EPC2: variants seen among roughly 807,000 people sequenced by gnomAD.
EPC2 encodes enhancer of polycomb 2.
Under a neutral mutation model 92.1 loss-of-function variants are expected in EPC2, and 14 were observed. That is an observed-to-expected ratio of 0.15 (90% confidence interval 0.10 to 0.24). The LOEUF (loss-of-function observed/expected upper bound fraction) is 0.24, where lower values mean the gene tolerates loss of function less well. Ranked by LOEUF, EPC2 falls within the 10% of genes least tolerant of loss-of-function variation. EPC2 has a pLI of 1.00. For missense variants in EPC2, 755 were observed against 971.5 expected (o/e 0.78, Z 2.96); for synonymous variants, 340 against 334.7 (o/e 1.02, Z -0.17).
Position 148,764,944 on chromosome 2 carries a change from C to T in EPC2, c.949-11C>T, listed in dbSNP as rs771348041. 2 of 1,455,898 alleles carry T rather than the reference C, an allele frequency of 1.4e-6. No individual in the cohort carries two copies. Among genetic ancestry groups the T allele is most frequent in the South Asian group, 3.2e-5 (2 of 62,202 alleles). The allele number at this position is 1,455,898 out of a possible 1,614,324, so 90.2% of individuals were successfully genotyped here. A position where few individuals can be genotyped will look rare whatever the true frequency, so the allele number is the denominator to read the frequency against. On this transcript the variant is annotated splice_polypyrimidine_tract_variant and intron_variant, in intron 6 of 13. Coordinates refer to ENST00000258484, the MANE Select transcript of EPC2 (RefSeq NM_015630.4). ...TTCTTCCTTTTGGGGGAAAAATCGT[C>T]ATGTAAACAGCACCCTCATCATTTG... is the stretch of plus-strand genomic sequence containing the variant.
intron 2 of EPC2, among the ~76,000 whole-genome samples, chr2:148,715,342 G>A (rs71413631): frequency 0.096 from 14,550 of 152,088 alleles, 941 homozygotes; most frequent in South Asian, 0.16. Flanking sequence ...CTCTTCTAGC[G>A]TTTTTATAGT....
At chr2:148,739,899 T>C (rs1682848450) in intron 2 of EPC2, among the ~76,000 whole-genome samples, 1 of 139,846 alleles carries the variant, frequency 7.2e-6, no homozygotes, top group East Asian at 2.4e-4. Flanking sequence ...AAGTCTTCCA[T>C]GTACACACAG....
intron 3 of EPC2, among the ~76,000 whole-genome samples, chr2:148,748,605 A>G (rs1383184090): frequency 6.6e-6 from 1 of 152,144 alleles, no homozygotes; most frequent in Non-Finnish European, 1.5e-5. Context: ...ACAGATATAT[A>G]ATGAGATTAT....
chr2:148,729,031 C>CAAA lies in EPC2; in HGVS notation c.314-14567_314-14565dup, dbSNP rs376309552. On this transcript the variant is annotated intron_variant, in intron 2 of 13. Transcript: ENST00000258484. ...TGGGCGACAGAGCGAAACTCCATCTCAAAAAAAAAAAAAAAAAAAAAAAAA... is the reference window on the plus strand; with the variant it reads ...TGGGCGACAGAGCGAAACTCCATCTCAAAAAAAAAAAAAAAAAAAAAAAAAAAA... Among the ~76,000 whole-genome samples the CAAA allele has an allele frequency of 5.5e-4, 35 of 63,648 alleles. 2 individuals carry two copies. Among genetic ancestry groups the CAAA allele is most frequent in the Non-Finnish European group, 8.0e-4 (28 of 35,108 alleles). 41.8% of individuals were successfully genotyped at this position (63,648 alleles called of 152,430 possible).
chr2:148,670,901 G>C (rs1382087557), intron 1 of EPC2, among the ~76,000 whole-genome samples: 1 of 152,136 alleles, frequency 6.6e-6, no homozygotes, highest in African/African-American at 2.4e-5. Flanking sequence ...GCCCAGGCTT[G>C]TCTTGAACTC....
chr2:148,676,980 G>A (rs1006977057), intron 1 of EPC2, among the ~76,000 whole-genome samples: 1 of 151,950 alleles, frequency 6.6e-6, no homozygotes, highest in East Asian at 1.9e-4. Flanking sequence ...ATTTTTAAAA[G>A]CCTAGTAACC....
intron 1 of EPC2, among the ~76,000 whole-genome samples, chr2:148,648,208 C>T (rs923441652): frequency 2.0e-5 from 3 of 152,086 alleles, no homozygotes; most frequent in Admixed American, 6.6e-5. Context: ...CTTTTGCTTC[C>T]CAGAGTGTCC....
intron 2 of EPC2, among the ~76,000 whole-genome samples, chr2:148,712,330 G>A (rs1318068188): frequency 6.6e-6 from 1 of 151,888 alleles, no homozygotes; most frequent in Non-Finnish European, 1.5e-5. Context: ...GCACTATAAT[G>A]CTTCACAGGT....
chr2:148,775,777 T>TC (rs1343185122), intron 10 of EPC2, among the ~76,000 whole-genome samples: 2 of 110,332 alleles, frequency 1.8e-5, no homozygotes, highest in Non-Finnish European at 3.5e-5. Flanking sequence ...TTTCTTTTCT[T>TC]TTTTTTTTTT....
At chr2:148,704,746 G>A (rs1353910461) in intron 2 of EPC2, among the ~76,000 whole-genome samples, 1 of 152,058 alleles carries the variant, frequency 6.6e-6, no homozygotes, top group Non-Finnish European at 1.5e-5. Context: ...TCAGGAACTG[G>A]AACAACAACA....
rs1321095111 is a variant in EPC2, at chr2:148,728,612, C to T, written c.314-15010C>T. On this transcript the variant is annotated intron_variant, in intron 2 of 13. Transcript: ENST00000258484. ...GGTGTGGTGGTGTTATGTCTGTAGT[C>T]CCAGCTATTTGGGAGGCTGAGGTGG... 4.0e-5 allele frequency among the ~76,000 whole-genome samples: 6 copies of T among 151,886 alleles called. No individual in the cohort carries two copies. The South Asian group carries it at 8.3e-4, about 21-fold the overall frequency.
intron 10 of EPC2, among the ~76,000 whole-genome samples, chr2:148,776,297 T>C (rs942337568): frequency 6.6e-6 from 1 of 152,230 alleles, no homozygotes; most frequent in African/African-American, 2.4e-5. Context: ...GGGATTAAAG[T>C]ATTTTAGTTT....
intron 1 of EPC2, among the ~76,000 whole-genome samples, chr2:148,683,297 T>A (rs1235078294): frequency 6.6e-6 from 1 of 151,824 alleles, no homozygotes; most frequent in South Asian, 2.1e-4. Context: ...AGATGGAGTC[T>A]TGCTGTGTTG....
chr2:148,757,841 TAATAA>T (rs1364316284), intron 4 of EPC2, among the ~76,000 whole-genome samples: 2 of 151,296 alleles, frequency 1.3e-5, no homozygotes, highest in African/African-American at 2.4e-5. Context: ...ATCTCAAAAA[TAATAA>T]AATAAAATAT....
intron 2 of EPC2, among the ~76,000 whole-genome samples, chr2:148,727,999 C>G (rs1252977545): frequency 6.6e-6 from 1 of 152,106 alleles, no homozygotes; most frequent in Non-Finnish European, 1.5e-5. Flanking sequence ...TTTCTTTTCT[C>G]TTTTGAGACA....
intron 2 of EPC2, among the ~76,000 whole-genome samples, chr2:148,714,674 C>T (rs747796673): frequency 6.6e-6 from 1 of 152,194 alleles, no homozygotes; most frequent in Non-Finnish European, 1.5e-5. Flanking sequence ...TGGTGTTGAG[C>T]TTCTTTTCAT....
chr2:148,743,843 C>T, intron 3 of EPC2, 76 bp downstream of exon 3: 1 of 1,149,958 alleles, frequency 8.7e-7, no homozygotes, highest in South Asian at 2.2e-5. Context: ...GAGTGTGTTG[C>T]ATTTTACTGT....
At chr2:148,705,984 C>G (rs1452983067) in intron 2 of EPC2, among the ~76,000 whole-genome samples, 1 of 152,174 alleles carries the variant, frequency 6.6e-6, no homozygotes, top group Non-Finnish European at 1.5e-5. Context: ...CGGAACAAAG[C>G]TGGACGGAGA....
intron 1 of EPC2, among the ~76,000 whole-genome samples, chr2:148,687,038 C>T (rs115180296): frequency 0.018 from 2,739 of 152,338 alleles, 75 homozygotes; most frequent in African/African-American, 0.061. Context: ...AAGGCTATTT[C>T]ATCTACATTG....
Sources: gnomAD v4.1 joint callset for allele counts (sites outside exome capture counted in the v4.1 genomes callset) on GRCh38, gnomAD v4.1.1 for gene constraint, MANE v1.5 for transcripts, NCBI Gene and HGNC (gene_info 2026-07-23, HGNC 2026-07-21) for gene names.